MTRF1: variants seen among roughly 807,000 people sequenced by gnomAD.
MTRF1 encodes peptide chain release factor 1, mitochondrial.
Under a neutral mutation model 62.9 loss-of-function variants are expected in MTRF1, and 51 were observed. The ratio of observed to expected loss-of-function variants is 0.81; its 90% CI spans 0.65 to 1.02. The LOEUF is 1.02. Among genes scored for constraint, MTRF1 ranks in the 50% least tolerant of loss-of-function variants. MTRF1 has a pLI of 0.00. For synonymous variants in MTRF1, 158 were observed against 181.9 expected (o/e 0.87, Z 1.06); for missense variants, 446 against 530.0 (o/e 0.84, Z 1.56).
At chr13:41,252,167 A>C (rs898091849) in intron 5 of MTRF1, 2 of 152,564 alleles carry the variant, frequency 1.3e-5, no homozygotes, top group Admixed American at 1.3e-4. Context: ...GGCGTGAACC[A>C]TAGTGCCCAG....
chr13:41,223,504 C>T lies in MTRF1; in HGVS notation c.1126-150G>A. On this transcript the variant is annotated intron_variant, in intron 8 of 9. Coordinates refer to ENST00000379480, the MANE Select transcript of MTRF1 (RefSeq NM_004294.4). ...TGACAAAGAAAAAGAATGGGCAGAA[C>T]TTAATGTTTAATACTACAGGTTTGT... 1.6e-5 allele frequency: 10 copies of T among 633,494 alleles called. 1 individual carries two copies. In the South Asian group the frequency reaches 2.1e-4, roughly 13 times the overall value. The allele number at this position is 633,494 out of a possible 1,614,324, so 39.2% of individuals were successfully genotyped here.
chr13:41,254,965 G>A (rs2039522381), intron 2 of MTRF1, among the ~76,000 whole-genome samples: 1 of 151,882 alleles, frequency 6.6e-6, no homozygotes, highest in African/African-American at 2.4e-5. Flanking sequence ...CTCGTTATTT[G>A]AATGTCTATA....
the MTRF1 span, among the ~76,000 whole-genome samples, chr13:41,301,521 A>T: frequency 6.6e-6 from 1 of 152,050 alleles, no homozygotes; most frequent in Non-Finnish European, 1.5e-5. Flanking sequence ...GCTGAGGTGG[A>T]CGGATCACCT....
At chr13:41,263,777 T>C (rs544856908), upstream of MTRF1, among the ~76,000 whole-genome samples, 267 of 125,810 alleles carry the variant, frequency 2.1e-3, no homozygotes, top group Admixed American at 3.5e-3. Flanking sequence ...ATCCAGAGCG[T>C]GAGCCCAGAG....
intron 7 of MTRF1, chr13:41,229,522 C>G (rs750285984): frequency 6.6e-6 from 1 of 151,982 alleles, no homozygotes; most frequent in Admixed American, 6.6e-5. Flanking sequence ...CTAATAACCA[C>G]AGTTCTACTC....
intron 7 of MTRF1, among the ~76,000 whole-genome samples, chr13:41,233,363 A>C (rs1215633265): frequency 1.3e-5 from 2 of 152,228 alleles, no homozygotes; most frequent in Non-Finnish European, 2.9e-5. Flanking sequence ...TTAGACTTTT[A>C]AAACCATATA....
At chr13:41,220,941 G>A (rs577822895) in intron 9 of MTRF1, among the ~76,000 whole-genome samples, 1 of 152,108 alleles carries the variant, frequency 6.6e-6, no homozygotes, top group Non-Finnish European at 1.5e-5. Context: ...TCAGGATCAC[G>A]ATCATGTAAG....
the MTRF1 span, among the ~76,000 whole-genome samples, chr13:41,279,694 C>A: frequency 6.6e-6 from 1 of 152,150 alleles, no homozygotes; most frequent in East Asian, 1.9e-4. Flanking sequence ...ATATTTAACC[C>A]CAAAATATAT....
At chr13:41,273,729 C>T in the MTRF1 span, among the ~76,000 whole-genome samples, 524 of 152,076 alleles carry the variant, frequency 3.4e-3, 2 homozygotes, top group African/African-American at 0.012. Flanking sequence ...CCCAGCTACT[C>T]GGGAGGCTGA....
At chr13:41,256,120 A>T (rs2039677634) in intron 2 of MTRF1, among the ~76,000 whole-genome samples, 1 of 152,124 alleles carries the variant, frequency 6.6e-6, no homozygotes, top group Non-Finnish European at 1.5e-5. Context: ...TGCTGGGGAG[A>T]CAACGAAGAA....
At chr13:41,287,870 G>A in the MTRF1 span, 2 of 341,462 alleles carry the variant, frequency 5.9e-6, no homozygotes, top group Non-Finnish European at 5.8e-6. Flanking sequence ...ATTTTAAAGC[G>A]CCAATCTCCT....
At chr13:41,218,453 G>GA in intron 9 of MTRF1, among the ~76,000 whole-genome samples, 1 of 151,802 alleles carries the variant, frequency 6.6e-6, no homozygotes, top group East Asian at 1.9e-4. Flanking sequence ...ATGTAAACTT[G>GA]AAAAAGTTTG....
chr13:41,232,464 G>A (rs1034365633), intron 7 of MTRF1, among the ~76,000 whole-genome samples: 3 of 152,164 alleles, frequency 2.0e-5, no homozygotes, highest in Admixed American at 6.5e-5. Context: ...TGAAAGGCAT[G>A]AGTCTCTAAA....
chr13:41,283,252 T>C, the MTRF1 span, among the ~76,000 whole-genome samples: 3 of 152,236 alleles, frequency 2.0e-5, no homozygotes, highest in Admixed American at 6.5e-5. Flanking sequence ...TGGTTGATCC[T>C]GTATAAACCA....
chr13:41,294,316 G>T, the MTRF1 span, among the ~76,000 whole-genome samples: 1 of 151,608 alleles, frequency 6.6e-6, no homozygotes, highest in Non-Finnish European at 1.5e-5. Flanking sequence ...TACTAGGGAG[G>T]CTGAGGCAGG....
Position 41,263,181 on chromosome 13 carries a change from A to G in MTRF1, c.-9+304T>C. ...TATTGCTAAAATTTCCATTTTAGGA[A>G]CAGTAGTAGAATGCATAATTTTCAA... On this transcript the variant is annotated intron_variant, in intron 1 of 9. Transcript: ENST00000379480. 3.2e-6 allele frequency: 3 copies of G among 948,898 alleles called. No individual in the cohort carries two copies. In the South Asian group the frequency reaches 4.1e-5, roughly 13 times the overall value. 58.8% of individuals were successfully genotyped at this position (948,898 alleles called of 1,614,324 possible). A position where few individuals can be genotyped will look rare whatever the true frequency, so the allele number is the denominator to read the frequency against.
chr13:41,244,184 T>A (rs556837676), intron 5 of MTRF1, among the ~76,000 whole-genome samples: 55 of 151,564 alleles, frequency 3.6e-4, no homozygotes, highest in African/African-American at 1.3e-3. Flanking sequence ...TTCACATTTA[T>A]AAGTCAGTTT....
chr13:41,244,220 ACTTT>A (rs35061065), intron 5 of MTRF1, among the ~76,000 whole-genome samples: 96,421 of 151,576 alleles, frequency 0.64, 30,898 homozygotes, highest in Admixed American at 0.66. Flanking sequence ...CCTTAACTCA[ACTTT>A]CTTTCTTTCA....
At chr13:41,269,538 A>C in the MTRF1 span, among the ~76,000 whole-genome samples, 1 of 125,680 alleles carries the variant, frequency 8.0e-6, no homozygotes, top group East Asian at 2.2e-4. Flanking sequence ...ATAAGCTTTC[A>C]ATTAGACAAA....
Sources: gnomAD v4.1 joint callset for allele counts (sites outside exome capture counted in the v4.1 genomes callset) on GRCh38, gnomAD v4.1.1 for gene constraint, MANE v1.5 for transcripts, NCBI Gene and HGNC (gene_info 2026-07-23, HGNC 2026-07-21) for gene names.